Variants in ZNF184 observed in about 807,000 individuals in gnomAD.
The protein encoded by ZNF184 is zinc finger protein 184, also known as zinc finger protein 184 (Kruppel-like).
In ZNF184, 16 loss-of-function variants were observed where a neutral mutation model predicts 54.4. The ratio of observed to expected loss-of-function variants is 0.29; its 90% CI spans 0.20 to 0.45. The LOEUF is 0.45. Ranked by LOEUF, ZNF184 falls within the 20% of genes least tolerant of loss-of-function variation. The pLI, the probability that ZNF184 is intolerant of heterozygous loss-of-function variation, is 1.00. For synonymous variants in ZNF184, 254 were observed against 295.3 expected, an observed-to-expected ratio of 0.86 and a Z score of 1.43; for missense variants, 681 against 888.2, an observed-to-expected ratio of 0.77 and a Z score of 2.97.
At chr6:27,405,855 G>A in the ZNF184 span, 1 of 152,180 alleles carries the variant, frequency 6.6e-6, no homozygotes, top group Non-Finnish European at 1.5e-5. Context: ...AAGCTGACTG[G>A]CGCTTCCAAG....
the ZNF184 span, among the ~76,000 whole-genome samples, chr6:27,438,326 A>C: frequency 6.6e-6 from 1 of 152,236 alleles, no homozygotes; most frequent in Non-Finnish European, 1.5e-5. Context: ...AAGAAATATG[A>C]GTGCTCAATA....
chr6:27,413,954 G>A, the ZNF184 span, among the ~76,000 whole-genome samples: 2,726 of 152,206 alleles, frequency 0.018, 40 homozygotes, highest in Non-Finnish European at 0.027. Flanking sequence ...TTCCTGCTGG[G>A]GAGCTGGAGA....
intron 3 of ZNF184, among the ~76,000 whole-genome samples, chr6:27,462,699 C>A (rs1044981521): frequency 6.6e-6 from 1 of 150,654 alleles, no homozygotes; most frequent in African/African-American, 2.4e-5. Flanking sequence ...GCTGTCTCTA[C>A]TAAAAGTGCA....
chr6:27,408,362 T>G, the ZNF184 span, among the ~76,000 whole-genome samples: 5,432 of 152,026 alleles, frequency 0.036, 203 homozygotes, highest in African/African-American at 0.095. Flanking sequence ...GCTTTGCCAA[T>G]TGGACGTTTT....
rs956658382 is a variant in ZNF184 at position 27,457,371 on chromosome 6, G to A, written c.114C>T (p.Thr38=). The change falls in exon 4 of 6, where the codon ACC becomes ACT. Residue 38 remains threonine, a synonymous_variant. Coordinates refer to ENST00000683788, the MANE Select transcript of ZNF184 (RefSeq NM_001318891.2). ...VTFKDVIVDF[T]QEEWKQLDPG... is the part of the protein sequence containing the mutation. ...GGTCCAGCTGTTTCCATTCTTCCTG[G>A]GTAAAGTCCACTATCACATCCTTGA... 5 of 1,613,648 alleles carry A rather than the reference G, an allele frequency of 3.1e-6. No homozygotes were observed. In the Admixed American group the frequency reaches 8.3e-5, roughly 27 times the overall value.
chr6:27,444,085 T>C, the ZNF184 span, among the ~76,000 whole-genome samples: 1 of 152,162 alleles, frequency 6.6e-6, no homozygotes, highest in Non-Finnish European at 1.5e-5. Flanking sequence ...CAATCCTACA[T>C]TTCTTTAGTC....
chr6:27,415,764 T>C, the ZNF184 span, among the ~76,000 whole-genome samples: 18 of 152,250 alleles, frequency 1.2e-4, no homozygotes, highest in Non-Finnish European at 2.2e-4. Flanking sequence ...ATCCTGGTTC[T>C]GTCATATATT....
chr6:27,414,928 G>A, the ZNF184 span, among the ~76,000 whole-genome samples: 7 of 152,100 alleles, frequency 4.6e-5, no homozygotes, highest in Non-Finnish European at 8.8e-5. Context: ...ATGGGCTCAC[G>A]CCTCATGATA....
the ZNF184 span, among the ~76,000 whole-genome samples, chr6:27,424,420 C>T: frequency 2.6e-5 from 4 of 152,164 alleles, no homozygotes; most frequent in African/African-American, 4.8e-5. Context: ...TTATCTGGCC[C>T]CACCCACATC....
chr6:27,438,839 A>C, the ZNF184 span, among the ~76,000 whole-genome samples: 1 of 152,134 alleles, frequency 6.6e-6, no homozygotes, highest in Non-Finnish European at 1.5e-5. Flanking sequence ...CAAAATTATA[A>C]ATTTTAGCAT....
At chr6:27,404,537 A>C in the ZNF184 span, 1 of 152,332 alleles carries the variant, frequency 6.6e-6, no homozygotes, top group African/African-American at 2.4e-5. Context: ...CTTTGTAGAT[A>C]TTTGAGTACA....
the ZNF184 span, among the ~76,000 whole-genome samples, chr6:27,444,663 C>T: frequency 6.6e-6 from 1 of 152,154 alleles, no homozygotes. Context: ...TCACCACTGA[C>T]CTTCTCACTG....
Position 27,458,638 on chromosome 6 carries a change from T to C in ZNF184, c.76-1229A>G, listed in dbSNP as rs1379982290. ...GATACAACACTGGTGGGAATGTAAA[T>C]TAGTACAACCATTATGGAAAACAGT... is the stretch of plus-strand genomic sequence containing the variant. On this transcript the variant is annotated intron_variant, in intron 3 of 5. Transcript: ENST00000683788. Among the ~76,000 whole-genome samples the C allele has an allele frequency of 3.3e-5, 5 of 151,662 alleles. No individual in the cohort carries two copies. In the East Asian group the frequency reaches 9.7e-4, roughly 29 times the overall value.
chr6:27,439,475 A>G, the ZNF184 span, among the ~76,000 whole-genome samples: 2 of 152,198 alleles, frequency 1.3e-5, no homozygotes, highest in African/African-American at 2.4e-5. Context: ...GGACATTGCC[A>G]TGGCTTCATG....
Position 27,466,955 on chromosome 6 carries a change from T to A in ZNF184, c.75+898A>T, listed in dbSNP as rs73741737. On this transcript the variant is annotated intron_variant, in intron 3 of 5. Transcript: ENST00000683788. Reference sequence around the variant, plus strand: ...CTTCTCATCCAGGTATTCAAGGCTTTCATATTCTGACTTCATTCAATCATT... The same window carrying A: ...CTTCTCATCCAGGTATTCAAGGCTTACATATTCTGACTTCATTCAATCATT... Among the ~76,000 whole-genome samples, 1,299 of 152,308 alleles carry A rather than the reference T, an allele frequency of 8.5e-3. 24 individuals carry two copies. Among genetic ancestry groups the A allele is most frequent in the African/African-American group, 0.03 (1,241 of 41,554 alleles).
the ZNF184 span, among the ~76,000 whole-genome samples, chr6:27,421,561 C>T: frequency 5.3e-5 from 8 of 152,078 alleles, no homozygotes; most frequent in Non-Finnish European, 7.4e-5. Context: ...AGATATATGA[C>T]GCTAATCAAG....
chr6:27,427,606 A>G, the ZNF184 span, among the ~76,000 whole-genome samples: 1 of 152,178 alleles, frequency 6.6e-6, no homozygotes, highest in Non-Finnish European at 1.5e-5. Context: ...ACCTCTGTGT[A>G]CTAGGTCTAC....
At chr6:27,420,697 A>T in the ZNF184 span, among the ~76,000 whole-genome samples, 1 of 152,250 alleles carries the variant, frequency 6.6e-6, no homozygotes, top group Non-Finnish European at 1.5e-5. Flanking sequence ...CATTGCCGGT[A>T]GAGATGCAAC....
In ZNF184 at chr6:27,453,029, C is replaced by T. The variant is rs1442299251; in HGVS notation, c.530G>A (p.Gly177Asp). 2.5e-6 allele frequency: 4 copies of T among 1,613,954 alleles called. No homozygotes were observed. Among genetic ancestry groups the T allele is most frequent in the South Asian group, 1.1e-5 (1 of 91,080 alleles). The change falls in exon 6 of 6, where the codon GGC becomes GAC. Residue 177 changes from glycine to aspartate, a missense_variant. Coordinates refer to ENST00000683788, the MANE Select transcript of ZNF184 (RefSeq NM_001318891.2). The surrounding 1 kb of genome is among the most constrained non-coding windows in gnomAD (Gnocchi z 4.7). ...TTTCCCAAATTCATTATTTACAGGG[C>T]CTTTTTCCCAACTGGGTATTGTCTT... Reference protein sequence around the residue: ...TEKTIPSWEKGPVNNEFGKSV... With the variant: ...TEKTIPSWEKDPVNNEFGKSV...
Sources: gnomAD v4.1 joint callset for allele counts (sites outside exome capture counted in the v4.1 genomes callset) on GRCh38, gnomAD v4.1.1 for gene constraint, Gnocchi (gnomAD v3.1) non-coding constraint, MANE v1.5 for transcripts, NCBI Gene and HGNC (gene_info 2026-07-23, HGNC 2026-07-21) for gene names.